STT3B: variants seen among roughly 807,000 people sequenced by gnomAD.
The protein encoded by STT3B is dolichyl-diphosphooligosaccharide--protein glycosyltransferase subunit STT3B.
A neutral mutation model predicts 96.8 loss-of-function variants in STT3B; 29 were observed. The observed-to-expected ratio is 0.30, with a 90% confidence interval of 0.22 to 0.41. The LOEUF is 0.41. Ranked by LOEUF, STT3B falls within the 10% of genes least tolerant of loss-of-function variation. The pLI is 1.00. For synonymous variants in STT3B, 367 were observed against 360.0 expected, an observed-to-expected ratio of 1.02 and a Z score of -0.22; for missense variants, 640 against 1,022.3, an observed-to-expected ratio of 0.63 and a Z score of 5.10.
At chr3:31,576,273 G>T in intron 1 of STT3B, 123 bp from the exon 2 acceptor site, 129 of 371,814 alleles carry the variant, frequency 3.5e-4, no homozygotes, top group East Asian at 4.7e-4. Flanking sequence ...TTCAGATTAT[G>T]TTATATAAGT....
intron 1 of STT3B, among the ~76,000 whole-genome samples, chr3:31,551,241 G>A (rs754386227): frequency 9.9e-5 from 15 of 151,426 alleles, no homozygotes; most frequent in African/African-American, 2.9e-4. Flanking sequence ...TTTTTGATAG[G>A]GTCTTGTTCT....
chr3:31,597,998 G>A (rs1350728486), intron 4 of STT3B, among the ~76,000 whole-genome samples: 4 of 151,656 alleles, frequency 2.6e-5, no homozygotes, highest in Non-Finnish European at 5.9e-5. Flanking sequence ...ACTATGCCCG[G>A]CTAATTTTTG....
chr3:31,627,217 C>T (rs906773152), intron 13 of STT3B, among the ~76,000 whole-genome samples: 24 of 152,182 alleles, frequency 1.6e-4, no homozygotes, highest in Middle Eastern at 3.2e-3. Context: ...TCATTGCCGC[C>T]TGAGCTCCGC....
At chr3:31,569,286 C>A (rs1006624912) in intron 1 of STT3B, among the ~76,000 whole-genome samples, 1 of 152,176 alleles carries the variant, frequency 6.6e-6, no homozygotes, top group Non-Finnish European at 1.5e-5. Flanking sequence ...GCCACTACAT[C>A]AGCCATATGC....
chr3:31,535,789 A>G (rs1212810606), intron 1 of STT3B, among the ~76,000 whole-genome samples: 1 of 152,212 alleles, frequency 6.6e-6, no homozygotes, highest in East Asian at 1.9e-4. Flanking sequence ...ACACATTATC[A>G]TTTAGCTAAA....
chr3:31,595,570 T>C (rs1698770815), intron 3 of STT3B, among the ~76,000 whole-genome samples: 1 of 152,218 alleles, frequency 6.6e-6, no homozygotes, highest in Non-Finnish European at 1.5e-5. Flanking sequence ...ACACTTTGTA[T>C]ATAGTACCTT....
In STT3B at chr3:31,622,323, G is replaced by A; in HGVS notation, c.1539+15G>A. Reference sequence around the variant, plus strand: ...TGTATGATAAGGTGGGGAATCTAAAGTAAGGCCTTTAAATTGTCTATGTCC... The same window carrying A: ...TGTATGATAAGGTGGGGAATCTAAAATAAGGCCTTTAAATTGTCTATGTCC... On this transcript the variant is annotated intron_variant, in intron 10 of 15. Coordinates refer to ENST00000295770, the MANE Select transcript of STT3B (RefSeq NM_178862.3). 6.2e-7 allele frequency: 1 copy of A among 1,604,368 alleles called. No individual in the cohort carries two copies. Among genetic ancestry groups the A allele is most frequent in the Non-Finnish European group, 8.5e-7 (1 of 1,171,556 alleles).
At chr3:31,576,308 C>T (rs1698262584) in intron 1 of STT3B, 88 bp from the exon 2 acceptor site, 1 of 564,354 alleles carries the variant, frequency 1.8e-6, no homozygotes, top group South Asian at 2.6e-5. Flanking sequence ...CTGAAAGATA[C>T]ATTTATGTAG....
At chr3:31,535,129 C>G (rs966113676) in intron 1 of STT3B, among the ~76,000 whole-genome samples, 1 of 151,276 alleles carries the variant, frequency 6.6e-6, no homozygotes, top group Non-Finnish European at 1.5e-5. Flanking sequence ...GGAAGGCTAA[C>G]GACTGTTTAA....
At chr3:31,567,549 G>A (rs926614059) in intron 1 of STT3B, among the ~76,000 whole-genome samples, 39 of 151,998 alleles carry the variant, frequency 2.6e-4, no homozygotes, top group African/African-American at 9.2e-4. Context: ...TTATTCTTAG[G>A]CATTTCTAAT....
chr3:31,619,553 A>G (rs538693620), intron 8 of STT3B, 123 bp from the exon 9 acceptor site: 150 of 739,104 alleles, frequency 2.0e-4, no homozygotes, highest in Middle Eastern at 8.0e-4. Flanking sequence ...CTTGGAAGGT[A>G]TATTTAAATA....
Position 31,637,266 on chromosome 3 carries a change from CTT to C in STT3B, c.*1209_*1210del, listed in dbSNP as rs1034939959. ...GGGTTTTTCCTGCCACAGGATATAACTTTTTTTTATATAACAAGCATAACACA... is the reference window on the plus strand; with the variant it reads ...GGGTTTTTCCTGCCACAGGATATAACTTTTTTATATAACAAGCATAACACA... On this transcript the variant is annotated 3_prime_UTR_variant, in exon 16 of 16. Transcript: ENST00000295770. The C allele has an allele frequency of 1.3e-5, 2 of 152,010 alleles. No homozygotes were observed. The highest frequency in any genetic ancestry group is 2.9e-5 in the Non-Finnish European group (2 of 67,982). 9.4% of individuals were successfully genotyped at this position (152,010 alleles called of 1,614,324 possible).
At chr3:31,567,111 G>T (rs1168691325) in intron 1 of STT3B, among the ~76,000 whole-genome samples, 2 of 152,110 alleles carry the variant, frequency 1.3e-5, no homozygotes, top group East Asian at 3.9e-4. Flanking sequence ...CCCTCACTTG[G>T]AGTCTATGTG....
At chr3:31,602,905 G>T (rs4569693) in intron 5 of STT3B, among the ~76,000 whole-genome samples, 86,777 of 151,910 alleles carry the variant, frequency 0.57, 27,684 homozygotes, top group Non-Finnish European at 0.72. Flanking sequence ...CTTCTAAATG[G>T]ATGGAAAGTA....
intron 3 of STT3B, among the ~76,000 whole-genome samples, chr3:31,595,917 G>A (rs1698782173): frequency 6.6e-6 from 1 of 152,122 alleles, no homozygotes; most frequent in African/African-American, 2.4e-5. Flanking sequence ...CTGCTTTCCT[G>A]CCTTTGGCAT....
chr3:31,634,966 T>C lies in STT3B; in HGVS notation c.2401-1018T>C, dbSNP rs528073767. 4.6e-5 allele frequency among the ~76,000 whole-genome samples: 7 copies of C among 152,344 alleles called. No individual in the cohort carries two copies. In the East Asian group the frequency reaches 1.3e-3, roughly 29 times the overall value. ...TAACAAGTTAGCAGTAGCTAATTTT[T>C]AGTACCTTAAGAAGGATTGCATTTT... On this transcript the variant is annotated intron_variant, in intron 15 of 15. Coordinates refer to ENST00000295770, the MANE Select transcript of STT3B (RefSeq NM_178862.3).
At chr3:31,563,642 G>A (rs1008930246) in intron 1 of STT3B, among the ~76,000 whole-genome samples, 1 of 152,224 alleles carries the variant, frequency 6.6e-6, no homozygotes, top group Admixed American at 6.5e-5. Context: ...GCCCTGCAAA[G>A]ATCTGGGTTA....
intron 1 of STT3B, among the ~76,000 whole-genome samples, chr3:31,560,398 C>T (rs747894273): frequency 2.0e-5 from 3 of 151,992 alleles, no homozygotes; most frequent in Non-Finnish European, 4.4e-5. Context: ...ATTGTCCTTT[C>T]ACTTCCAGAT....
intron 11 of STT3B, 145 bp downstream of exon 11, chr3:31,624,006 CA>C (rs1452744994): frequency 1.5e-6 from 1 of 654,318 alleles, no homozygotes; most frequent in African/African-American, 1.8e-5. Flanking sequence ...TTGGTAGGTA[CA>C]CAGTAAATAC....
Sources: gnomAD v4.1 joint callset for allele counts (sites outside exome capture counted in the v4.1 genomes callset) on GRCh38, gnomAD v4.1.1 for gene constraint, MANE v1.5 for transcripts, NCBI Gene and HGNC (gene_info 2026-07-23, HGNC 2026-07-21) for gene names.